The following PLEKHA4 variants were observed in gnomAD, a reference collection of about 807,000 sequenced individuals.
PLEKHA4 encodes the protein pleckstrin homology domain-containing family A member 4.
A neutral mutation model predicts 94.7 loss-of-function variants in PLEKHA4; 73 were observed. The observed-to-expected ratio is 0.77, with a 90% CI of 0.64 to 0.94. PLEKHA4 has a LOEUF of 0.94. Ranked by LOEUF, PLEKHA4 falls within the 40% of genes least tolerant of loss-of-function variation. The pLI is 0.00. For missense variants in PLEKHA4, 1,049 were observed against 1,054.1 expected, an observed-to-expected ratio of 1.00 and a Z score of 0.07; for synonymous variants, 449 against 437.1, an observed-to-expected ratio of 1.03 and a Z score of -0.34.
At chr19:48,843,692 C>G (rs2035852754) in intron 16 of PLEKHA4, among the ~76,000 whole-genome samples, 1 of 151,118 alleles carries the variant, frequency 6.6e-6, no homozygotes, top group South Asian at 2.1e-4. Flanking sequence ...GAGTCTTGCT[C>G]TGTCACCCAG....
At position 48,847,978 on chromosome 19, in the gene PLEKHA4, G is replaced by C. The variant is rs749641105; in HGVS notation, c.1488C>G (p.Gly496=). 6 of 1,613,124 alleles carry C rather than the reference G, an allele frequency of 3.7e-6. No individual in the cohort carries two copies. The South Asian group carries it at 6.6e-5, about 18-fold the overall frequency. Reference sequence around the variant, plus strand: ...CAGTGTGTGGGGGCGGTTTCTGGGGGCCACCCAGACCTGCCAGCGTGTCTT... The same window carrying C: ...CAGTGTGTGGGGGCGGTTTCTGGGGCCCACCCAGACCTGCCAGCGTGTCTT... The part of the protein sequence containing the change: ...MVEDTLAGLG[G]PQKPPPHTEP... Residue 496 remains glycine, a synonymous_variant, in exon 14 of 20, where the codon GGC becomes GGG. Coordinates refer to ENST00000263265, the MANE Select transcript of PLEKHA4 (RefSeq NM_020904.3).
chr19:48,848,282 C>T (rs1194326440), intron 13 of PLEKHA4, among the ~76,000 whole-genome samples: 4 of 147,820 alleles, frequency 2.7e-5, no homozygotes, highest in Admixed American at 2.0e-4. Context: ...GTCAGGAGAT[C>T]GAGACCATCC....
At chr19:48,852,146 G>T in intron 13 of PLEKHA4, 82 bp downstream of exon 13, 1 of 1,099,244 alleles carries the variant, frequency 9.1e-7, no homozygotes, top group South Asian at 1.3e-5. Context: ...CGATTCTGTG[G>T]GCGAAGATTA....
intron 6 of PLEKHA4, 22 bp downstream of exon 6, chr19:48,860,328 C>T (rs2036586157): frequency 6.3e-7 from 1 of 1,593,218 alleles, no homozygotes; most frequent in Admixed American, 1.7e-5. Flanking sequence ...GGGTCAGGAG[C>T]ATGGCTTGGA....
intron 14 of PLEKHA4, 56 bp from the exon 15 acceptor site, chr19:48,845,672 A>C (rs774254686): frequency 4.5e-6 from 6 of 1,331,154 alleles, no homozygotes; most frequent in Non-Finnish European, 6.1e-6. Flanking sequence ...TATTATTATT[A>C]CCATGTTGCA....
chr19:48,837,519 G>T lies in PLEKHA4; in HGVS notation c.2110C>A (p.Pro704Thr). The T allele has an allele frequency of 3.1e-6, 5 of 1,613,334 alleles. No individual in the cohort carries two copies. The highest frequency in any genetic ancestry group is 4.2e-6 in the Non-Finnish European group (5 of 1,179,672). Reference protein sequence around the residue: ...GNLDSQGDPLPGVPLPPSDPT... With the variant: ...GNLDSQGDPLTGVPLPPSDPT... ...TCCGAAGGAGGCAGCGGCACACCGG[G>T]AAGAGGGTCTCCCTGGGAGTCCAAA... Residue 704 changes from proline to threonine, a missense_variant, in exon 20 of 20, where the codon CCC becomes ACC. Coordinates refer to ENST00000263265, the MANE Select transcript of PLEKHA4 (RefSeq NM_020904.3). This position sits in a 1 kb window ranked among gnomAD's most constrained non-coding sequence, Gnocchi z 4.3.
intron 13 of PLEKHA4, among the ~76,000 whole-genome samples, chr19:48,848,945 G>A (rs1393058853): frequency 4.6e-5 from 7 of 152,126 alleles, no homozygotes; most frequent in African/African-American, 1.7e-4. Flanking sequence ...TGTCACCCAG[G>A]CTGGCGTGCA....
chr19:48,857,928 T>C (rs1404265905), intron 8 of PLEKHA4, among the ~76,000 whole-genome samples: 1 of 148,770 alleles, frequency 6.7e-6, no homozygotes, highest in Admixed American at 6.7e-5. Flanking sequence ...ATAATAATAA[T>C]AATTAAAAAA....
rs2035938565 is a variant in PLEKHA4, at chr19:48,845,578, G to T, written c.1605C>A (p.Ser535=). 1.2e-6 allele frequency: 2 copies of T among 1,606,710 alleles called. No homozygotes were observed. Among genetic ancestry groups the T allele is most frequent in the Non-Finnish European group, 1.7e-6 (2 of 1,176,284 alleles). ...GAGGCCGCCCCCAGTCAGTCTCGGG[G>T]GACCTAGGGGAGCTCAGTTCCAAGG... ...PESLELSSPR[S]PETDWGRPPG... is the part of the protein sequence containing the mutation. The change falls in exon 15 of 20, where the codon TCC becomes TCA. Residue 535 remains serine, a synonymous_variant. Transcript: ENST00000263265.
chr19:48,862,744 A>C (rs1410377671), intron 3 of PLEKHA4, among the ~76,000 whole-genome samples: 2 of 147,130 alleles, frequency 1.4e-5, no homozygotes, highest in Admixed American at 1.4e-4. Flanking sequence ...CGATCTCCTG[A>C]CCTTGTGATC....
chr19:48,846,304 A>G (rs2035968474), intron 14 of PLEKHA4, among the ~76,000 whole-genome samples: 1 of 151,132 alleles, frequency 6.6e-6, no homozygotes, highest in Non-Finnish European at 1.5e-5. Flanking sequence ...AAAAAAAATT[A>G]GCCGGGCGTG....
Position 48,865,576 on chromosome 19 carries a change from A to C in PLEKHA4, c.119T>G (p.Phe40Cys). The stretch of plus-strand genomic sequence containing the variant: ...CCTGAGCGCATTGCCTCTCTTCCCA[A>C]AGGCGTGGATCTTGTTTACTGCCCG... ...PTRAVNKIHA[F>C]GKRGNALRRD... Residue 40 changes from phenylalanine to cysteine, a missense_variant, in exon 3 of 20, where the codon TTT becomes TGT. Coordinates refer to ENST00000263265, the MANE Select transcript of PLEKHA4 (RefSeq NM_020904.3). The C allele has an allele frequency of 6.2e-7, 1 of 1,613,940 alleles. No individual in the cohort carries two copies. The highest frequency in any genetic ancestry group is 1.3e-5 in the African/African-American group (1 of 74,966).
At chr19:48,847,351 G>C (rs924838998) in intron 14 of PLEKHA4, among the ~76,000 whole-genome samples, 2 of 152,064 alleles carry the variant, frequency 1.3e-5, no homozygotes, top group Non-Finnish European at 2.9e-5. Context: ...CAGGAGGATT[G>C]CTTGAGCCCA....
rs965299437 is a variant in PLEKHA4 at position 48,842,870 on chromosome 19, T to G, written c.1744-1560A>C. Among the ~76,000 whole-genome samples the G allele has an allele frequency of 2.0e-5, 3 of 152,236 alleles. No individual in the cohort carries two copies. In the East Asian group the frequency reaches 5.8e-4, roughly 29 times the overall value. On this transcript the variant is annotated intron_variant, in intron 16 of 19. Transcript: ENST00000263265. ...TCTGTCAGTGTCCACCAAATAAAGC[T>G]CCTGTGTGCTACTGCCATCTGGTGG...
chr19:48,838,154 G>A, intron 18 of PLEKHA4, 25 bp from the exon 19 acceptor site: 1 of 1,478,288 alleles, frequency 6.8e-7, no homozygotes, highest in Non-Finnish European at 9.4e-7. Flanking sequence ...AAGATTGGGG[G>A]TGGGGGTGTG....
In PLEKHA4 at chr19:48,837,576, G is replaced by A. The variant is rs922905774; in HGVS notation, c.2078-25C>T. The stretch of plus-strand genomic sequence containing the variant: ...CCTGGAGAGGATGAGTGGGACATGA[G>A]AATGGCAAACCTCAGCGCTAGGACC... On this transcript the variant is annotated intron_variant, in intron 19 of 19. Transcript: ENST00000263265. This position sits in a 1 kb window ranked among gnomAD's most constrained non-coding sequence, Gnocchi z 4.3. 1.2e-6 allele frequency: 2 copies of A among 1,612,556 alleles called. No individual in the cohort carries two copies. Among genetic ancestry groups the A allele is most frequent in the Non-Finnish European group, 1.7e-6 (2 of 1,179,548 alleles).
intron 13 of PLEKHA4, among the ~76,000 whole-genome samples, chr19:48,848,485 C>CAAA (rs5828364): frequency 2.0e-4 from 19 of 92,698 alleles, no homozygotes; most frequent in South Asian, 3.5e-4. Flanking sequence ...GACTCCGTCT[C>CAAA]AAAAAAAAAA....
At position 48,857,459 on chromosome 19, in the gene PLEKHA4, G is replaced by C. The variant is rs145141779; in HGVS notation, c.1010C>G (p.Pro337Arg). The part of the protein sequence containing the change: ...SGSPTYLQLP[P>R]RPPGTRASMV... ...GGAGGCCCGGGTCCCAGGGGGCCGC[G>C]GGGGGAGCTGGAGATAAGTGGGGGA... The change falls in exon 9 of 20, where the codon CCG (proline) becomes CGG (arginine). Residue 337 changes from proline to arginine, a missense_variant. Physicochemically the swap from Pro to Arg is moderately radical, Grantham distance 103. Coordinates refer to ENST00000263265, the MANE Select transcript of PLEKHA4 (RefSeq NM_020904.3). The C allele has an allele frequency of 9.0e-6, 14 of 1,562,300 alleles. No individual in the cohort carries two copies. The South Asian group carries it at 1.4e-4, about 16-fold the overall frequency.
intron 16 of PLEKHA4, among the ~76,000 whole-genome samples, chr19:48,843,405 TC>T (rs1259566266): frequency 6.6e-6 from 1 of 152,042 alleles, no homozygotes; most frequent in Non-Finnish European, 1.5e-5. Context: ...GGTTTCGAAC[TC>T]CTGACCTTGT....
Sources: allele counts gnomAD v4.1 joint callset (sites outside exome capture counted in the v4.1 genomes callset), GRCh38; gene constraint gnomAD v4.1.1; non-coding constraint Gnocchi (gnomAD v3.1); transcripts MANE v1.5; gene names NCBI Gene and HGNC (gene_info 2026-07-23, HGNC 2026-07-21).